The following LRRTM4 variants were observed in gnomAD, a reference collection of about 807,000 sequenced individuals.
The protein encoded by LRRTM4 is leucine-rich repeat transmembrane neuronal protein 4.
LRRTM4 carries 25 observed loss-of-function variants against 47.6 expected under a neutral mutation model. That is an observed-to-expected ratio of 0.53 (90% confidence interval 0.38 to 0.73). The LOEUF (loss-of-function observed/expected upper bound fraction) is 0.73, where lower values mean the gene tolerates loss of function less well. Among genes scored for constraint, LRRTM4 ranks in the 30% least tolerant of loss-of-function variants. The pLI, the probability that LRRTM4 is intolerant of heterozygous loss-of-function variation, is 0.00. For synonymous variants in LRRTM4, 311 were observed against 269.5 expected (o/e 1.15, Z -1.51); for missense variants, 638 against 713.4 (o/e 0.89, Z 1.20).
intron 3 of LRRTM4, among the ~76,000 whole-genome samples, chr2:77,420,975 C>A (rs542290933): frequency 4.7e-4 from 70 of 149,524 alleles, no homozygotes; most frequent in African/African-American, 1.5e-3. Context: ...AGACAAGGCT[C>A]CTTGGAGAAA....
intron 3 of LRRTM4, among the ~76,000 whole-genome samples, chr2:76,956,666 T>C (rs1558761210): frequency 6.6e-6 from 1 of 150,876 alleles, no homozygotes; most frequent in Non-Finnish European, 1.5e-5. Context: ...TTAAGGAGAT[T>C]TTTTGAAAAA....
intron 3 of LRRTM4, among the ~76,000 whole-genome samples, chr2:77,351,799 G>A (rs72915956): frequency 0.063 from 9,506 of 151,796 alleles, 435 homozygotes; most frequent in African/African-American, 0.12. Flanking sequence ...GGAACAAAAA[G>A]ATCACACTAT....
intron 3 of LRRTM4, among the ~76,000 whole-genome samples, chr2:76,936,435 T>C (rs1250624766): frequency 6.9e-6 from 1 of 144,890 alleles, no homozygotes; most frequent in African/African-American, 2.6e-5. Context: ...TGGGGCCTGT[T>C]GAGGGTGGGG....
intron 3 of LRRTM4, among the ~76,000 whole-genome samples, chr2:77,149,502 G>A (rs1215350813): frequency 6.6e-6 from 1 of 152,128 alleles, no homozygotes; most frequent in Non-Finnish European, 1.5e-5. Flanking sequence ...AAGAGCTTCT[G>A]TATTCAAGAA....
At chr2:76,783,880 G>A (rs1454277280) in intron 3 of LRRTM4, among the ~76,000 whole-genome samples, 1 of 152,092 alleles carries the variant, frequency 6.6e-6, no homozygotes, top group Non-Finnish European at 1.5e-5. Context: ...AGAAGAATGT[G>A]TATGATTTGA....
At chr2:76,813,633 G>A (rs940214681) in intron 3 of LRRTM4, among the ~76,000 whole-genome samples, 4 of 152,202 alleles carry the variant, frequency 2.6e-5, no homozygotes, top group Admixed American at 2.6e-4. Flanking sequence ...AGTAGGCCAA[G>A]TTAACTTTTG....
intron 3 of LRRTM4, among the ~76,000 whole-genome samples, chr2:76,951,656 G>A (rs1675499841): frequency 6.6e-6 from 1 of 151,902 alleles, no homozygotes. Flanking sequence ...GGATACATAT[G>A]CAGAACATGC....
intron 3 of LRRTM4, among the ~76,000 whole-genome samples, chr2:77,280,814 T>G (rs934429116): frequency 1.3e-5 from 2 of 151,984 alleles, no homozygotes; most frequent in African/African-American, 4.8e-5. Flanking sequence ...TTATTTTGAT[T>G]TTTCAAATTA....
intron 3 of LRRTM4, among the ~76,000 whole-genome samples, chr2:77,284,662 T>A (rs1205857371): frequency 6.6e-6 from 1 of 152,110 alleles, no homozygotes; most frequent in African/African-American, 2.4e-5. Flanking sequence ...CAACTAGAAG[T>A]TAGTGATGGA....
intron 3 of LRRTM4, among the ~76,000 whole-genome samples, chr2:77,091,119 A>G (rs566417052): frequency 7.9e-5 from 12 of 151,962 alleles, no homozygotes; most frequent in Middle Eastern, 3.4e-3. Flanking sequence ...CCACCTGCCC[A>G]GTTCCCTTAT....
intron 3 of LRRTM4, among the ~76,000 whole-genome samples, chr2:77,440,681 C>T (rs535444377): frequency 6.6e-6 from 1 of 152,264 alleles, no homozygotes; most frequent in East Asian, 1.9e-4. Flanking sequence ...CTTACAAAGG[C>T]AGTGCAAATA....
intron 3 of LRRTM4, among the ~76,000 whole-genome samples, chr2:77,365,531 G>T (rs549670415): frequency 6.6e-6 from 1 of 151,762 alleles, no homozygotes; most frequent in Admixed American, 6.6e-5. Flanking sequence ...AGAACTCCAC[G>T]TATGTAGGAG....
chr2:76,860,093 C>T (rs1005655656), intron 3 of LRRTM4, among the ~76,000 whole-genome samples: 3 of 152,088 alleles, frequency 2.0e-5, no homozygotes, highest in Non-Finnish European at 4.4e-5. Context: ...AGAAAACACA[C>T]ACAGAAAATA....
chr2:76,852,975 G>A (rs1161344985), intron 3 of LRRTM4, among the ~76,000 whole-genome samples: 2 of 152,088 alleles, frequency 1.3e-5, no homozygotes, highest in African/African-American at 4.8e-5. Context: ...ACAGGCACAA[G>A]TATGGGTTAT....
chr2:77,207,372 TACACAC>T (rs66858623), intron 3 of LRRTM4, among the ~76,000 whole-genome samples: 8 of 131,090 alleles, frequency 6.1e-5, no homozygotes, highest in African/African-American at 1.9e-4. Flanking sequence ...TATATATATA[TACACAC>T]ACACATATTT....
At chr2:77,013,352 A>C (rs925483987) in intron 3 of LRRTM4, among the ~76,000 whole-genome samples, 3 of 152,190 alleles carry the variant, frequency 2.0e-5, no homozygotes, top group African/African-American at 7.2e-5. Flanking sequence ...ATTCTCCCTC[A>C]GCTCGCAGGC....
intron 3 of LRRTM4, among the ~76,000 whole-genome samples, chr2:77,160,955 C>A (rs566848873): frequency 1.0e-3 from 157 of 152,224 alleles, no homozygotes; most frequent in South Asian, 2.1e-3. Context: ...GTCCTAGTTC[C>A]ATGGCAGCCT....
chr2:76,953,104 A>G (rs62170342), intron 3 of LRRTM4, among the ~76,000 whole-genome samples: 20,015 of 151,772 alleles, frequency 0.13, 1,680 homozygotes, highest in Admixed American at 0.21. Context: ...GATACAATAT[A>G]CTAGTGTAAC....
chr2:77,379,207 C>CT (rs1672954106), intron 3 of LRRTM4, among the ~76,000 whole-genome samples: 2 of 151,888 alleles, frequency 1.3e-5, no homozygotes, highest in Non-Finnish European at 2.9e-5. Context: ...CTATATTGAA[C>CT]TTTTATTGGC....
Sources: gnomAD v4.1 joint callset for allele counts (sites outside exome capture counted in the v4.1 genomes callset) on GRCh38, gnomAD v4.1.1 for gene constraint, MANE v1.5 for transcripts, NCBI Gene and HGNC (gene_info 2026-07-23, HGNC 2026-07-21) for gene names.